Variants in LYPD6 observed in about 807,000 individuals in gnomAD.
LYPD6 encodes LY6/PLAUR domain containing 6, also known as ly6/PLAUR domain-containing protein 6.
LYPD6 carries 15 observed loss-of-function variants against 22.7 expected under a neutral mutation model. The observed-to-expected ratio is 0.66, with a 90% CI of 0.44 to 1.02. The LOEUF (loss-of-function observed/expected upper bound fraction) is 1.02, where lower values mean the gene tolerates loss of function less well. Among genes scored for constraint, LYPD6 ranks in the 50% least tolerant of loss-of-function variants. LYPD6 has a pLI of 0.00. For missense variants in LYPD6, 189 were observed against 208.4 expected (o/e 0.91, Z 0.57); for synonymous variants, 72 against 77.5 (o/e 0.93, Z 0.37).
Position 149,468,739 on chromosome 2 carries a change from C to T in LYPD6, c.312C>T (p.Ser104=), listed in dbSNP as rs751626334. The change falls in exon 4 of 5, where the codon TCC becomes TCT. Residue 104 remains serine, a synonymous_variant. Transcript: ENST00000334166. ...KRCVPLEECL[S]TGCRDSEHEG... is the part of the protein sequence containing the mutation. ...GTGTCCCACTGGAAGAGTGCTTATC[C>T]ACTGGCTGCAGAGACTCCGAGCATG... 7 of 1,613,558 alleles carry T rather than the reference C, an allele frequency of 4.3e-6. No homozygotes were observed. The highest frequency in any genetic ancestry group is 2.2e-5 in the East Asian group (1 of 44,866).
At chr2:149,434,213 T>A (rs1683382980) in intron 1 of LYPD6, among the ~76,000 whole-genome samples, 1 of 152,066 alleles carries the variant, frequency 6.6e-6, no homozygotes, top group African/African-American at 2.4e-5. Context: ...AACACACTAT[T>A]AAAGGCAACA....
chr2:149,330,453 C>A (rs1680909322), upstream of LYPD6: 2 of 149,650 alleles, frequency 1.3e-5, no homozygotes, highest in African/African-American at 4.9e-5. Context: ...GCTCCGCTCC[C>A]CCCGCGCGCG....
At chr2:149,432,077 G>A (rs1371817907) in intron 1 of LYPD6, among the ~76,000 whole-genome samples, 1 of 152,154 alleles carries the variant, frequency 6.6e-6, no homozygotes, top group Non-Finnish European at 1.5e-5. Flanking sequence ...CAGCCACTAG[G>A]ATGGCTATAA....
At chr2:149,450,150 A>G (rs190034117) in intron 3 of LYPD6, among the ~76,000 whole-genome samples, 1 of 152,204 alleles carries the variant, frequency 6.6e-6, no homozygotes, top group Non-Finnish European at 1.5e-5. Context: ...TTTCAAAGAA[A>G]TCACTGAAAG....
At chr2:149,408,436 C>G (rs776931609) in intron 1 of LYPD6, among the ~76,000 whole-genome samples, 15 of 152,188 alleles carry the variant, frequency 9.9e-5, no homozygotes, top group Non-Finnish European at 2.1e-4. Flanking sequence ...TGAGTTTCTT[C>G]TATTTGAATA....
At chr2:149,408,870 G>T (rs1308197405) in intron 1 of LYPD6, among the ~76,000 whole-genome samples, 2 of 152,152 alleles carry the variant, frequency 1.3e-5, no homozygotes, top group African/African-American at 2.4e-5. Flanking sequence ...TTGCCTCCTT[G>T]ATTAGCTTAA....
intron 1 of LYPD6, among the ~76,000 whole-genome samples, chr2:149,349,904 T>A (rs1289172928): frequency 6.6e-6 from 1 of 152,186 alleles, no homozygotes; most frequent in East Asian, 1.9e-4. Flanking sequence ...CAACTTTCTC[T>A]TGTTCTTAGA....
chr2:149,473,157 G>A lies in LYPD6; in HGVS notation c.*2307G>A, dbSNP rs868593522. On this transcript the variant is annotated 3_prime_UTR_variant, in exon 5 of 5. Coordinates refer to ENST00000334166, the MANE Select transcript of LYPD6 (RefSeq NM_194317.5). Reference sequence around the variant, plus strand: ...CACTGACATCTTCCAAGTACTGCATGTGATTGAATAAGAAACAAGAAAGTG... The same window carrying A: ...CACTGACATCTTCCAAGTACTGCATATGATTGAATAAGAAACAAGAAAGTG... 1.3e-5 allele frequency: 2 copies of A among 152,606 alleles called. No homozygotes were observed. The highest frequency in any genetic ancestry group is 3.9e-4 in the East Asian group (2 of 5,194). The allele number at this position is 152,606 out of a possible 1,614,324, so 9.5% of individuals were successfully genotyped here. A position where few individuals can be genotyped will look rare whatever the true frequency, so the allele number is the denominator to read the frequency against.
the LYPD6 span, among the ~76,000 whole-genome samples, chr2:149,479,221 C>T: frequency 0.22 from 34,039 of 152,070 alleles, 4,484 homozygotes; most frequent in Middle Eastern, 0.32. Flanking sequence ...CCACCCACCC[C>T]AGAAGCTTTC....
intron 1 of LYPD6, among the ~76,000 whole-genome samples, chr2:149,406,667 T>G (rs1452984914): frequency 3.9e-5 from 6 of 152,062 alleles, no homozygotes; most frequent in Admixed American, 1.3e-4. Context: ...GCACACTGAT[T>G]TGTCTTGACT....
At chr2:149,420,273 C>T (rs1683050421) in intron 1 of LYPD6, among the ~76,000 whole-genome samples, 1 of 152,194 alleles carries the variant, frequency 6.6e-6, no homozygotes, top group Non-Finnish European at 1.5e-5. Context: ...CAAGTTCACC[C>T]TGCTCTTTGT....
chr2:149,383,244 C>T (rs911870955), intron 1 of LYPD6, among the ~76,000 whole-genome samples: 2 of 152,080 alleles, frequency 1.3e-5, no homozygotes, highest in Non-Finnish European at 2.9e-5. Flanking sequence ...CTGAATAATG[C>T]CTTGAGTTTT....
intron 2 of LYPD6, among the ~76,000 whole-genome samples, chr2:149,441,916 T>C (rs1392929621): frequency 6.6e-6 from 1 of 152,162 alleles, no homozygotes. Flanking sequence ...TCCTTAATCA[T>C]GTACACCAAA....
At chr2:149,449,380 G>A (rs1340417021) in intron 3 of LYPD6, among the ~76,000 whole-genome samples, 1 of 152,184 alleles carries the variant, frequency 6.6e-6, no homozygotes, top group Non-Finnish European at 1.5e-5. Flanking sequence ...TCCACAGGAG[G>A]TGATACCTTC....
chr2:149,340,242 C>T (rs1681133025), intron 1 of LYPD6, among the ~76,000 whole-genome samples: 1 of 152,002 alleles, frequency 6.6e-6, no homozygotes, highest in Non-Finnish European at 1.5e-5. Flanking sequence ...ATTTTTAGTG[C>T]CTTGTAGTAT....
intron 1 of LYPD6, among the ~76,000 whole-genome samples, chr2:149,427,794 C>G (rs1360531697): frequency 6.6e-6 from 1 of 152,182 alleles, no homozygotes; most frequent in Non-Finnish European, 1.5e-5. Context: ...CCAAAATCAC[C>G]TAACAATGCA....
chr2:149,434,497 T>C (rs955645073), intron 1 of LYPD6, among the ~76,000 whole-genome samples: 1 of 152,218 alleles, frequency 6.6e-6, no homozygotes, highest in African/African-American at 2.4e-5. Context: ...TTTTTGGTCA[T>C]AAAAGATATA....
At chr2:149,340,574 A>G (rs4381755) in intron 1 of LYPD6, among the ~76,000 whole-genome samples, 91,831 of 151,862 alleles carry the variant, frequency 0.6, 28,124 homozygotes, top group East Asian at 0.9. Context: ...GTTTCCTCCA[A>G]TTTTACCGGC....
intron 1 of LYPD6, among the ~76,000 whole-genome samples, chr2:149,356,862 T>A (rs1029332678): frequency 2.6e-5 from 4 of 152,242 alleles, no homozygotes; most frequent in Non-Finnish European, 4.4e-5. Context: ...ATAACATATG[T>A]GTAATAGTTG....
Sources: gnomAD v4.1 joint callset for allele counts (sites outside exome capture counted in the v4.1 genomes callset) on GRCh38, gnomAD v4.1.1 for gene constraint, MANE v1.5 for transcripts, NCBI Gene and HGNC (gene_info 2026-07-23, HGNC 2026-07-21) for gene names.